MACROD2: variants seen among roughly 807,000 people sequenced by gnomAD.
MACROD2 encodes mono-ADP ribosylhydrolase 2, also known as ADP-ribose glycohydrolase MACROD2.
Under a neutral mutation model 70.4 loss-of-function variants are expected in MACROD2, and 36 were observed. The ratio of observed to expected loss-of-function variants is 0.51; its 90% CI spans 0.39 to 0.68. The LOEUF is 0.68. MACROD2 is among the 30% of genes least tolerant of loss of function. The probability of loss-of-function intolerance (pLI) is 0.00; values close to 1 mark genes in which losing one functional copy is unlikely to be tolerated. For missense variants in MACROD2, 496 were observed against 538.4 expected, an observed-to-expected ratio of 0.92 and a Z score of 0.78; for synonymous variants, 172 against 178.8, an observed-to-expected ratio of 0.96 and a Z score of 0.30.
chr20:14,433,956 C>G (rs2084026624), intron 3 of MACROD2, among the ~76,000 whole-genome samples: 1 of 152,062 alleles, frequency 6.6e-6, no homozygotes, highest in Admixed American at 6.6e-5. Flanking sequence ...ATAAACAATT[C>G]TTTTAACCAT....
chr20:15,328,922 G>A (rs6074873), intron 6 of MACROD2, among the ~76,000 whole-genome samples: 13,646 of 152,004 alleles, frequency 0.09, 985 homozygotes, highest in African/African-American at 0.2. Context: ...ATATAAAATA[G>A]TGATAAATTA....
At chr20:15,758,130 A>G (rs2051375786) in intron 8 of MACROD2, among the ~76,000 whole-genome samples, 1 of 151,750 alleles carries the variant, frequency 6.6e-6, no homozygotes, top group Non-Finnish European at 1.5e-5. Flanking sequence ...ATTGTTGGGT[A>G]TTTATTACTT....
At chr20:15,953,858 A>G (rs1297638100) in intron 12 of MACROD2, among the ~76,000 whole-genome samples, 1 of 152,172 alleles carries the variant, frequency 6.6e-6, no homozygotes, top group Non-Finnish European at 1.5e-5. Flanking sequence ...TTATGAAGCA[A>G]CAGGGTCTTT....
intron 8 of MACROD2, among the ~76,000 whole-genome samples, chr20:15,532,960 T>C (rs2047824711): frequency 6.6e-6 from 1 of 152,250 alleles, no homozygotes; most frequent in South Asian, 2.1e-4. Context: ...AATAATTATG[T>C]ATCCATAGCA....
chr20:14,889,702 T>G (rs968463339), intron 5 of MACROD2, among the ~76,000 whole-genome samples: 1 of 152,110 alleles, frequency 6.6e-6, no homozygotes, highest in African/African-American at 2.4e-5. Flanking sequence ...AAAAGGTAGC[T>G]GTTTAGGGTC....
intron 5 of MACROD2, among the ~76,000 whole-genome samples, chr20:14,779,738 T>C (rs1388967569): frequency 1.3e-5 from 2 of 152,164 alleles, no homozygotes; most frequent in African/African-American, 4.8e-5. Flanking sequence ...TACTAATCTT[T>C]ATATTCTCCG....
At chr20:16,034,591 C>A (rs2067198107) in intron 15 of MACROD2, among the ~76,000 whole-genome samples, 1 of 151,996 alleles carries the variant, frequency 6.6e-6, no homozygotes, top group African/African-American at 2.4e-5. Context: ...TAGAACCATA[C>A]CACAGTGAGC....
chr20:14,851,379 G>A (rs1033348359), intron 5 of MACROD2, among the ~76,000 whole-genome samples: 2 of 152,098 alleles, frequency 1.3e-5, no homozygotes, highest in Non-Finnish European at 2.9e-5. Context: ...TGGAATATGA[G>A]GACGGTTTCA....
At chr20:14,321,682 T>C (rs2082662048) in intron 3 of MACROD2, among the ~76,000 whole-genome samples, 1 of 152,220 alleles carries the variant, frequency 6.6e-6, no homozygotes, top group East Asian at 1.9e-4. Flanking sequence ...TGTAGCTCTC[T>C]TTGGATTCCT....
At chr20:15,252,690 A>G (rs1269498324) in intron 6 of MACROD2, among the ~76,000 whole-genome samples, 1 of 152,212 alleles carries the variant, frequency 6.6e-6, no homozygotes, top group Non-Finnish European at 1.5e-5. Context: ...TATGAAAAAC[A>G]TCACCAGAAG....
chr20:15,144,089 G>A (rs2076213047), intron 5 of MACROD2, among the ~76,000 whole-genome samples: 1 of 151,978 alleles, frequency 6.6e-6, no homozygotes, highest in Non-Finnish European at 1.5e-5. Context: ...CATGAATGTT[G>A]TGATTACAGT....
intron 3 of MACROD2, among the ~76,000 whole-genome samples, chr20:14,425,713 G>A (rs918185966): frequency 6.6e-6 from 1 of 152,098 alleles, no homozygotes; most frequent in East Asian, 1.9e-4. Context: ...TGTATCAACT[G>A]TCATCATCCT....
chr20:14,749,752 T>A, intron 5 of MACROD2, among the ~76,000 whole-genome samples: 1 of 152,144 alleles, frequency 6.6e-6, no homozygotes, highest in East Asian at 1.9e-4. Context: ...TAGGCATACA[T>A]AAATAGATTT....
intron 4 of MACROD2, among the ~76,000 whole-genome samples, chr20:14,611,477 G>A (rs892977079): frequency 2.0e-5 from 3 of 147,558 alleles, no homozygotes; most frequent in Non-Finnish European, 4.5e-5. Flanking sequence ...TTTTTTGGCG[G>A]GGGGTCATAT....
chr20:15,050,188 T>C (rs964800461), intron 5 of MACROD2, among the ~76,000 whole-genome samples: 1 of 152,194 alleles, frequency 6.6e-6, no homozygotes, highest in African/African-American at 2.4e-5. Flanking sequence ...ATTCTCTCTT[T>C]GACTTGCCAT....
In MACROD2 at chr20:15,051,690, T is replaced by C. The variant is rs1028881547; in HGVS notation, c.419-178250T>C. ...GAGCTGCATCTTGGTTAGTGTTTAATTGAATAACTGAGTACTAAAGTCTTG... is the reference window on the plus strand; with the variant it reads ...GAGCTGCATCTTGGTTAGTGTTTAACTGAATAACTGAGTACTAAAGTCTTG... On this transcript the variant is annotated intron_variant, in intron 5 of 17. Coordinates refer to ENST00000684519, the MANE Select transcript of MACROD2 (RefSeq NM_001351661.2). Among the ~76,000 whole-genome samples, 10 of 152,046 alleles carry C rather than the reference T, an allele frequency of 6.6e-5. 1 individual carries two copies. Among genetic ancestry groups the C allele is most frequent in the Non-Finnish European group, 1.2e-4 (8 of 68,014 alleles).
intron 4 of MACROD2, among the ~76,000 whole-genome samples, chr20:14,572,090 T>A (rs1341085346): frequency 6.6e-6 from 1 of 152,110 alleles, no homozygotes; most frequent in Admixed American, 6.6e-5. Flanking sequence ...GATTTTATAG[T>A]CCTGCTGGTA....
chr20:15,130,462 A>G (rs1373682570), intron 5 of MACROD2, among the ~76,000 whole-genome samples: 1 of 151,876 alleles, frequency 6.6e-6, no homozygotes, highest in Non-Finnish European at 1.5e-5. Flanking sequence ...AAAACACCCT[A>G]CTCTCATCCC....
At chr20:15,314,169 T>C (rs922966046) in intron 6 of MACROD2, among the ~76,000 whole-genome samples, 9 of 152,172 alleles carry the variant, frequency 5.9e-5, no homozygotes, top group Non-Finnish European at 2.9e-5. Context: ...CAAGGGCCTG[T>C]TGCTTTTGGA....
Sources: gnomAD v4.1 joint callset for allele counts (sites outside exome capture counted in the v4.1 genomes callset) on GRCh38, gnomAD v4.1.1 for gene constraint, MANE v1.5 for transcripts, NCBI Gene and HGNC (gene_info 2026-07-23, HGNC 2026-07-21) for gene names.